The following SH2D7 variants were observed in gnomAD, a reference collection of about 807,000 sequenced individuals.
The protein encoded by SH2D7 is SH2 domain containing 7, also known as SH2 domain-containing protein 7.
Under a neutral mutation model 40.8 loss-of-function variants are expected in SH2D7, and 32 were observed. The observed-to-expected ratio is 0.78, with a 90% CI of 0.59 to 1.05. The LOEUF (loss-of-function observed/expected upper bound fraction) is 1.05, where lower values mean the gene tolerates loss of function less well. SH2D7 is among the 50% of genes least tolerant of loss of function. The pLI is 0.00. For missense variants in SH2D7, 559 were observed against 566.6 expected (o/e 0.99, Z 0.14); for synonymous variants, 195 against 221.5 (o/e 0.88, Z 1.06).
intron 4 of SH2D7, among the ~76,000 whole-genome samples, chr15:78,099,142 G>A (rs1180925732): frequency 1.3e-5 from 2 of 151,764 alleles, no homozygotes; most frequent in Non-Finnish European, 1.5e-5. Context: ...TCAGCCACCC[G>A]AGGAGCTGGG....
rs1048528246 is a variant in SH2D7, at chr15:78,098,453, C to T, written c.502C>T (p.Pro168Ser). 52 of 1,613,902 alleles carry T rather than the reference C, an allele frequency of 3.2e-5. No homozygotes were observed. Among genetic ancestry groups the T allele is most frequent in the Non-Finnish European group, 4.2e-5 (49 of 1,179,906 alleles). The part of the protein sequence containing the change: ...LHQTIVDPEN[P>S]PATAFLTVVP... ...CCAGACCATCGTGGACCCAGAAAAC[C>T]CACCTGCCACGGCATTCCTCACAGT... Residue 168 changes from proline (P) to serine (S), a missense_variant, in exon 4 of 6, where the codon CCA (proline) becomes TCA (serine). Pro to Ser is a moderately conservative substitution (Grantham distance 74, BLOSUM62 -1). Transcript: ENST00000328828.
At position 78,104,296 on chromosome 15, in the gene SH2D7, T is replaced by C. The variant is rs1195753672; in HGVS notation, c.*781T>C. On this transcript the variant is annotated 3_prime_UTR_variant, in exon 6 of 6. Transcript: ENST00000328828. The surrounding 1 kb of genome is among the most constrained non-coding windows in gnomAD (Gnocchi z 4.4). ...GCAGAGCGGGCTCAGGTTGCATTTG[T>C]GGGAAATCTACTCTTAGTGACCACT... 2 of 152,260 alleles carry C rather than the reference T, an allele frequency of 1.3e-5. No individual in the cohort carries two copies. 9.4% of individuals were successfully genotyped at this position (152,260 alleles called of 1,614,324 possible). A position where few individuals can be genotyped will look rare whatever the true frequency, so the allele number is the denominator to read the frequency against.
upstream of SH2D7, chr15:78,092,443 C>T (rs1294587273): frequency 5.5e-6 from 5 of 907,206 alleles, no homozygotes; most frequent in African/African-American, 1.7e-5. Flanking sequence ...GAACCAGCCA[C>T]CAGCCCAGAG....
At position 78,092,699 on chromosome 15, in the gene SH2D7, G is replaced by GC; in HGVS notation, c.120dup (p.Phe41LeufsTer39). 2 of 1,599,594 alleles carry GC rather than the reference G, an allele frequency of 1.3e-6. No individual in the cohort carries two copies. The highest frequency in any genetic ancestry group is 1.7e-6 in the Non-Finnish European group (2 of 1,173,342). ...CCTGAAGTGGTTCATGGAGACACAG[G>GC]CCCCCTTCATTCTGCAGAACGGTGC... On this transcript the variant is annotated frameshift_variant, in exon 1 of 6. Coordinates refer to ENST00000328828, the MANE Select transcript of SH2D7 (RefSeq NM_001101404.2). LOFTEE classifies it high-confidence loss of function.
intron 4 of SH2D7, 32 bp from the exon 5 acceptor site, chr15:78,100,867 C>T (rs1431118880): frequency 1.9e-6 from 3 of 1,603,594 alleles, no homozygotes; most frequent in Non-Finnish European, 2.6e-6. Flanking sequence ...ATGGGCTGCC[C>T]CTTAAGAGTT....
intron 4 of SH2D7, among the ~76,000 whole-genome samples, chr15:78,099,217 A>G (rs927917320): frequency 1.3e-5 from 2 of 152,092 alleles, no homozygotes; most frequent in African/African-American, 4.8e-5. Flanking sequence ...GGGTTTCAAC[A>G]TATTGGCCAG....
chr15:78,094,273 C>A (rs1376169850), intron 2 of SH2D7, 72 bp downstream of exon 2: 7 of 1,436,028 alleles, frequency 4.9e-6, no homozygotes, highest in Non-Finnish European at 6.7e-6. Flanking sequence ...AGTGCAGAGG[C>A]CCCACTGGCC....
chr15:78,097,802 C>G, intron 2 of SH2D7, 127 bp from the exon 3 acceptor site: 6 of 1,214,144 alleles, frequency 4.9e-6, no homozygotes, highest in Non-Finnish European at 6.8e-6. Flanking sequence ...GGCCCCAGGT[C>G]AGGCAGGTCT....
At chr15:78,092,875 G>A in intron 1 of SH2D7, 115 bp downstream of exon 1, 4 of 1,303,286 alleles carry the variant, frequency 3.1e-6, no homozygotes, top group African/African-American at 3.0e-5. Context: ...GCTAGGCAGG[G>A]GCCCTTGGAG....
chr15:78,103,055 C>T (rs919165500), intron 5 of SH2D7, among the ~76,000 whole-genome samples: 2 of 152,158 alleles, frequency 1.3e-5, no homozygotes, highest in Admixed American at 1.3e-4. Flanking sequence ...CATCCCATGT[C>T]TGCTCTTTCC....
intron 1 of SH2D7, 48 bp from the exon 2 acceptor site, chr15:78,094,064 G>A: frequency 1.9e-6 from 3 of 1,545,570 alleles, no homozygotes; most frequent in Non-Finnish European, 2.6e-6. Flanking sequence ...GGCTGCACCT[G>A]CTGCCATTAG....
chr15:78,092,761 G>C lies in SH2D7; in HGVS notation c.176+1G>C, dbSNP rs2073947662. 1.2e-6 allele frequency: 2 copies of C among 1,606,698 alleles called. No individual in the cohort carries two copies. Among genetic ancestry groups the C allele is most frequent in the Non-Finnish European group, 1.7e-6 (2 of 1,175,692 alleles). The stretch of plus-strand genomic sequence containing the variant: ...GGTTTCATGGATTCATCACCCGCAA[G>C]TAAGGCTGCTTCTACCCACAGGTCC... On this transcript the variant is annotated splice_donor_variant, in intron 1 of 5. Transcript: ENST00000328828. LOFTEE classifies it high-confidence loss of function.
intron 4 of SH2D7, among the ~76,000 whole-genome samples, chr15:78,099,607 G>A (rs1296422992): frequency 1.3e-5 from 2 of 151,746 alleles, no homozygotes; most frequent in African/African-American, 2.4e-5. Flanking sequence ...GATTACAAGC[G>A]TGAGCCACAG....
Position 78,093,019 on chromosome 15 carries a change from C to T in SH2D7, c.176+259C>T, listed in dbSNP as rs942913858. Reference sequence around the variant, plus strand: ...CTGGGGCTGCCAGGCTGCCAGAGGACAGAAAGAGGGCCAGGCCCTGACTTG... The same window carrying T: ...CTGGGGCTGCCAGGCTGCCAGAGGATAGAAAGAGGGCCAGGCCCTGACTTG... On this transcript the variant is annotated intron_variant, in intron 1 of 5. Coordinates refer to ENST00000328828, the MANE Select transcript of SH2D7 (RefSeq NM_001101404.2). Among the ~76,000 whole-genome samples the T allele has an allele frequency of 4.6e-5, 7 of 151,978 alleles. No individual in the cohort carries two copies. In the East Asian group the frequency reaches 1.4e-3, roughly 29 times the overall value.
chr15:78,102,058 C>T (rs1397269816), intron 5 of SH2D7, among the ~76,000 whole-genome samples: 3 of 152,076 alleles, frequency 2.0e-5, no homozygotes, highest in African/African-American at 7.2e-5. Flanking sequence ...TTGAGACCAG[C>T]CTGGGCAACA....
chr15:78,094,275 C>T (rs2073957258), intron 2 of SH2D7, 74 bp downstream of exon 2: 1 of 1,438,222 alleles, frequency 7.0e-7, no homozygotes, highest in East Asian at 2.5e-5. Context: ...TGCAGAGGCC[C>T]CACTGGCCCA....
At chr15:78,100,824 C>T in intron 4 of SH2D7, 75 bp from the exon 5 acceptor site, 5 of 1,540,614 alleles carry the variant, frequency 3.2e-6, no homozygotes, top group Non-Finnish European at 4.4e-6. Context: ...CTCGGCTTAT[C>T]TGAGAGAGTT....
intron 2 of SH2D7, among the ~76,000 whole-genome samples, chr15:78,097,544 G>A (rs2073980765): frequency 6.6e-6 from 1 of 152,226 alleles, no homozygotes; most frequent in Non-Finnish European, 1.5e-5. Flanking sequence ...GTTCATTGTG[G>A]ATTTTTTTCA....
chr15:78,094,060 ACCTGCT>A, intron 1 of SH2D7, 46 bp from the exon 2 acceptor site: 1 of 1,537,620 alleles, frequency 6.5e-7, no homozygotes, highest in Non-Finnish European at 8.8e-7. Flanking sequence ...GTCAGGCTGC[ACCTGCT>A]GCCATTAGGG....
Sources: allele counts gnomAD v4.1 joint callset (sites outside exome capture counted in the v4.1 genomes callset), GRCh38; gene constraint gnomAD v4.1.1; non-coding constraint Gnocchi (gnomAD v3.1); transcripts MANE v1.5; gene names NCBI Gene and HGNC (gene_info 2026-07-23, HGNC 2026-07-21).